TNIK: variants seen among roughly 807,000 people sequenced by gnomAD.
TNIK encodes the protein TRAF2 and NCK interacting kinase, also known as TRAF2 and NCK-interacting protein kinase.
In TNIK, 49 loss-of-function variants were observed where a neutral mutation model predicts 191.3. That is an observed-to-expected ratio of 0.26 (90% confidence interval 0.20 to 0.32). The LOEUF is 0.32. TNIK is among the 10% of genes least tolerant of loss of function. TNIK has a pLI of 1.00. For missense variants in TNIK, 1,155 were observed against 1,702.3 expected (o/e 0.68, Z 5.66); for synonymous variants, 594 against 600.9 (o/e 0.99, Z 0.17).
chr3:171,330,739 C>T (rs79480059), intron 2 of TNIK, among the ~76,000 whole-genome samples: 2 of 152,252 alleles, frequency 1.3e-5, no homozygotes, highest in Non-Finnish European at 2.9e-5. Flanking sequence ...CCAAACCCAA[C>T]CCCAATGAGA....
intron 7 of TNIK, among the ~76,000 whole-genome samples, chr3:171,181,434 A>G (rs1283926548): frequency 6.6e-6 from 1 of 152,182 alleles, no homozygotes; most frequent in Non-Finnish European, 1.5e-5. Context: ...GGCTAACCCA[A>G]TGGTCATTTT....
rs570084071 is a variant in TNIK at position 171,084,029 on chromosome 3, G to T, written c.3169+126C>A. 1.1e-5 allele frequency: 14 copies of T among 1,251,336 alleles called. No individual in the cohort carries two copies. The African/African-American group carries it at 1.8e-4, about 16-fold the overall frequency. The allele number at this position is 1,251,336 out of a possible 1,614,324, so 77.5% of individuals were successfully genotyped here. On this transcript the variant is annotated intron_variant, in intron 26 of 32. Coordinates refer to ENST00000436636, the MANE Select transcript of TNIK (RefSeq NM_015028.4). ...TGAGGTCAAGATAGTCCCAAGTTAG[G>T]TCTCTAATACCCAGGATTCAACCAG...
chr3:171,215,992 G>C (rs962290652), intron 3 of TNIK, among the ~76,000 whole-genome samples: 3 of 152,248 alleles, frequency 2.0e-5, no homozygotes, highest in Admixed American at 2.0e-4. Flanking sequence ...ATAGATGTGT[G>C]GACACTGGCT....
intron 14 of TNIK, 111 bp downstream of exon 14, chr3:171,139,359 G>C (rs1255614225): frequency 1.5e-5 from 14 of 944,572 alleles, no homozygotes; most frequent in Middle Eastern, 3.3e-4. Flanking sequence ...TGGTATGTTA[G>C]AAGGACACAC....
At chr3:171,361,769 T>C (rs1022399331) in intron 2 of TNIK, among the ~76,000 whole-genome samples, 5 of 152,128 alleles carry the variant, frequency 3.3e-5, no homozygotes, top group African/African-American at 1.2e-4. Context: ...ATAGCAGTAA[T>C]CAAACCTTAC....
intron 20 of TNIK, among the ~76,000 whole-genome samples, 183 bp from the exon 21 acceptor site, chr3:171,107,389 C>CT (rs1472599212): frequency 6.6e-6 from 1 of 152,124 alleles, no homozygotes; most frequent in Non-Finnish European, 1.5e-5. Context: ...TACGTCGTTA[C>CT]TTTAAGATGT....
intron 4 of TNIK, among the ~76,000 whole-genome samples, chr3:171,209,843 T>G (rs1740574475): frequency 6.6e-6 from 1 of 152,194 alleles, no homozygotes; most frequent in Admixed American, 6.5e-5. Context: ...TTTTTATATC[T>G]TTTTTGGTCA....
At chr3:171,099,947 C>T (rs181068751) in intron 22 of TNIK, among the ~76,000 whole-genome samples, 10 of 152,274 alleles carry the variant, frequency 6.6e-5, no homozygotes, top group African/African-American at 2.4e-4. Flanking sequence ...TGCAGTTTTC[C>T]ATGTGTAATT....
intron 27 of TNIK, among the ~76,000 whole-genome samples, chr3:171,081,641 C>T (rs1720695143): frequency 6.6e-6 from 1 of 150,692 alleles, no homozygotes; most frequent in Non-Finnish European, 1.5e-5. Flanking sequence ...ACAAAACTAC[C>T]CTCTTTTAGG....
chr3:171,342,434 G>A (rs1184579433), intron 2 of TNIK, among the ~76,000 whole-genome samples: 1 of 152,190 alleles, frequency 6.6e-6, no homozygotes, highest in African/African-American at 2.4e-5. Context: ...GAAAGGCTTT[G>A]CTTGTTGCAA....
At chr3:171,214,043 G>A (rs1042673952) in intron 3 of TNIK, among the ~76,000 whole-genome samples, 3 of 152,054 alleles carry the variant, frequency 2.0e-5, no homozygotes, top group African/African-American at 7.2e-5. Flanking sequence ...TCCAAACACA[G>A]TTATGGAACC....
chr3:171,174,631 AC>A (rs11358271), intron 9 of TNIK, among the ~76,000 whole-genome samples: 111,344 of 152,066 alleles, frequency 0.73, 41,828 homozygotes, highest in African/African-American at 0.9. Context: ...TTTTTGCCGT[AC>A]CCTCACACCA....
At chr3:171,352,991 T>C (rs930831843) in intron 2 of TNIK, among the ~76,000 whole-genome samples, 2 of 152,166 alleles carry the variant, frequency 1.3e-5, no homozygotes, top group Admixed American at 6.5e-5. Flanking sequence ...TCCTCCTAAA[T>C]AGGATAATTT....
chr3:171,409,107 A>G (rs1046385101), intron 1 of TNIK, among the ~76,000 whole-genome samples: 6 of 152,066 alleles, frequency 3.9e-5, no homozygotes, highest in African/African-American at 1.4e-4. Context: ...TAATGCTTTT[A>G]TTTCTGTGCT....
At chr3:171,271,230 G>C (rs772220649) in intron 2 of TNIK, among the ~76,000 whole-genome samples, 3 of 152,146 alleles carry the variant, frequency 2.0e-5, no homozygotes, top group Non-Finnish European at 1.5e-5. Flanking sequence ...AACTCTAATA[G>C]TTCTAGCATT....
At chr3:171,335,027 CAA>C (rs371457413) in intron 2 of TNIK, among the ~76,000 whole-genome samples, 3,287 of 114,552 alleles carry the variant, frequency 0.029, 134 homozygotes, top group African/African-American at 0.097. Flanking sequence ...CCCCAACTGC[CAA>C]AAAAAAAAAA....
intron 2 of TNIK, among the ~76,000 whole-genome samples, chr3:171,362,207 A>G (rs552159936): frequency 6.6e-6 from 1 of 152,198 alleles, no homozygotes; most frequent in Non-Finnish European, 1.5e-5. Flanking sequence ...CTCTTTACAC[A>G]TTATTGAGAC....
chr3:171,311,140 A>C (rs148073026), intron 2 of TNIK, among the ~76,000 whole-genome samples: 2,690 of 152,290 alleles, frequency 0.018, 37 homozygotes, highest in Non-Finnish European at 0.028. Flanking sequence ...TAGCAGAGAG[A>C]GAGAGAGAAA....
At chr3:171,067,420 C>T (rs938253077) in intron 30 of TNIK, among the ~76,000 whole-genome samples, 70 of 152,036 alleles carry the variant, frequency 4.6e-4, no homozygotes, top group African/African-American at 1.6e-3. Context: ...CCTGTAATCC[C>T]AGCACTTTGG....
Sources: allele counts gnomAD v4.1 joint callset (sites outside exome capture counted in the v4.1 genomes callset), GRCh38; gene constraint gnomAD v4.1.1; transcripts MANE v1.5; gene names NCBI Gene and HGNC (gene_info 2026-07-23, HGNC 2026-07-21).